Variants in TANK observed in about 807,000 individuals in gnomAD.
The protein encoded by TANK is TRAF family member-associated NF-kappa-B activator.
TANK carries 15 observed loss-of-function variants against 43.6 expected under a neutral mutation model. The observed-to-expected ratio is 0.34, with a 90% CI of 0.23 to 0.53. The LOEUF is 0.53. Among genes scored for constraint, TANK ranks in the 20% least tolerant of loss-of-function variants. TANK has a pLI of 0.94. For missense variants in TANK, 417 were observed against 498.6 expected (o/e 0.84, Z 1.56); for synonymous variants, 162 against 178.2 (o/e 0.91, Z 0.73).
intron 4 of TANK, among the ~76,000 whole-genome samples, chr2:161,220,606 A>T (rs962069150): frequency 6.6e-6 from 1 of 152,188 alleles, no homozygotes; most frequent in Non-Finnish European, 1.5e-5. Flanking sequence ...TCTGTCTCAA[A>T]AAAGGAAAAA....
intron 4 of TANK, chr2:161,223,321 G>GC (rs1189633618): frequency 2.6e-5 from 4 of 152,042 alleles, no homozygotes; most frequent in African/African-American, 7.2e-5. Flanking sequence ...TAATACCAGT[G>GC]TAAGCCACAG....
At chr2:161,180,120 GT>G in intron 2 of TANK, 2 of 996,384 alleles carry the variant, frequency 2.0e-6, no homozygotes, top group Non-Finnish European at 2.4e-6. Context: ...TGGTTTTGGT[GT>G]TTTTTATGTT....
At chr2:161,158,134 C>T (rs928124596), upstream of TANK, among the ~76,000 whole-genome samples, 2 of 152,220 alleles carry the variant, frequency 1.3e-5, no homozygotes, top group African/African-American at 4.8e-5. Context: ...CTGCCCTTGG[C>T]CTCCCAAAGT....
upstream of TANK, among the ~76,000 whole-genome samples, chr2:161,156,751 T>C (rs1031710966): frequency 2.3e-4 from 35 of 152,360 alleles, no homozygotes; most frequent in Middle Eastern, 3.4e-3. Context: ...CTGACATTTA[T>C]CAACTTTGTC....
intron 2 of TANK, among the ~76,000 whole-genome samples, chr2:161,198,460 A>G (rs1401211411): frequency 6.6e-6 from 1 of 152,184 alleles, no homozygotes; most frequent in Non-Finnish European, 1.5e-5. Context: ...TGGTGGCTCT[A>G]CTGGTCTGGG....
intron 1 of TANK, among the ~76,000 whole-genome samples, chr2:161,145,450 T>C (rs567474438): frequency 6.6e-6 from 1 of 151,832 alleles, no homozygotes; most frequent in South Asian, 2.1e-4. Context: ...GATATTTTGG[T>C]GTGTTTTTGC....
At chr2:161,144,935 T>C (rs907410096) in intron 1 of TANK, among the ~76,000 whole-genome samples, 11 of 152,130 alleles carry the variant, frequency 7.2e-5, no homozygotes, top group African/African-American at 2.7e-4. Flanking sequence ...GGAGTCTAAG[T>C]CACTTTGTAG....
At chr2:161,145,164 T>C (rs1683873061) in intron 1 of TANK, among the ~76,000 whole-genome samples, 1 of 130,328 alleles carries the variant, frequency 7.7e-6, no homozygotes, top group South Asian at 2.7e-4. Flanking sequence ...TTTTTTTGCT[T>C]TCCATTTGCT....
Position 161,231,046 on chromosome 2 carries a change from A to C in TANK, c.596A>C (p.Lys199Thr), listed in dbSNP as rs1194508715. ...GAAGCGCTGTTTAAGCCTCAGGCTA[A>C]AGATGATATAAATAGAGGTGCACCA... ...KQEALFKPQA[K>T]DDINRGAPSI... The change falls in exon 7 of 8, where the codon AAA (lysine) becomes ACA (threonine). Residue 199 changes from lysine to threonine, a missense_variant. Coordinates refer to ENST00000392749, the MANE Select transcript of TANK (RefSeq NM_001199135.3). 3 of 1,614,188 alleles carry C rather than the reference A, an allele frequency of 1.9e-6. No individual in the cohort carries two copies. Among genetic ancestry groups the C allele is most frequent in the Non-Finnish European group, 2.5e-6 (3 of 1,180,016 alleles).
In TANK at chr2:161,179,654, C is replaced by T. The variant is rs746924550; in HGVS notation, c.-9C>T. The T allele has an allele frequency of 1.8e-5, 29 of 1,612,462 alleles. No individual in the cohort carries two copies. Among genetic ancestry groups the T allele is most frequent in the East Asian group, 8.9e-5 (4 of 44,754 alleles). The stretch of plus-strand genomic sequence containing the variant: ...CATCCTTTATAGTGATGCTACAGGA[C>T]GAAGAGGAATGGATAAAAACATTGG... On this transcript the variant is annotated 5_prime_UTR_variant, in exon 2 of 8. The change creates a new upstream start codon in the 5' untranslated region. Coordinates refer to ENST00000392749, the MANE Select transcript of TANK (RefSeq NM_001199135.3).
Position 161,231,001 on chromosome 2 carries a change from C to T in TANK, c.551C>T (p.Thr184Met), listed in dbSNP as rs907560441. Residue 184 changes from threonine to methionine, a missense_variant, in exon 7 of 8, where the codon ACG becomes ATG. Coordinates refer to ENST00000392749, the MANE Select transcript of TANK (RefSeq NM_001199135.3). ...CAGTGCTCTGTGCCTATACAGTGTA[C>T]GGATAAAACAGATAAACAAGAAGCG... Reference protein sequence around the residue: ...ETQCSVPIQCTDKTDKQEALF... With the variant: ...ETQCSVPIQCMDKTDKQEALF... 5.0e-6 allele frequency: 8 copies of T among 1,613,696 alleles called. No homozygotes were observed. The East Asian group carries it at 6.7e-5, about 13-fold the overall frequency.
intron 1 of TANK, among the ~76,000 whole-genome samples, chr2:161,176,922 T>C (rs960962091): frequency 1.3e-5 from 2 of 152,178 alleles, no homozygotes; most frequent in Admixed American, 1.3e-4. Flanking sequence ...CTCTAACTTC[T>C]GTATTAGTTT....
chr2:161,213,981 A>G (rs999749732), intron 4 of TANK, among the ~76,000 whole-genome samples: 6 of 152,168 alleles, frequency 3.9e-5, no homozygotes, highest in Non-Finnish European at 2.9e-5. Context: ...TTTGGAAAAT[A>G]TTGGTTCACT....
chr2:161,145,939 CCTGT>C (rs1431470761), intron 1 of TANK, among the ~76,000 whole-genome samples: 1 of 150,408 alleles, frequency 6.6e-6, no homozygotes, highest in African/African-American at 2.5e-5. Context: ...TTCCATTCTC[CCTGT>C]CTTTTTCAGG....
chr2:161,189,039 A>G (rs1339042852), intron 2 of TANK, among the ~76,000 whole-genome samples: 1 of 152,236 alleles, frequency 6.6e-6, no homozygotes, highest in Non-Finnish European at 1.5e-5. Flanking sequence ...AGAACTGTGA[A>G]GAAATAAATT....
chr2:161,225,041 CTA>C (rs1202541967), intron 6 of TANK, among the ~76,000 whole-genome samples: 1 of 151,966 alleles, frequency 6.6e-6, no homozygotes, highest in Non-Finnish European at 1.5e-5. Flanking sequence ...TAAATACAGA[CTA>C]TATCCCTGAA....
chr2:161,212,715 A>C, intron 4 of TANK: 3 of 985,288 alleles, frequency 3.0e-6, no homozygotes, highest in Non-Finnish European at 3.6e-6. Flanking sequence ...TTGTCTTCAA[A>C]GCACACAGAA....
chr2:161,170,711 C>T (rs180943925), intron 1 of TANK, among the ~76,000 whole-genome samples: 17 of 152,188 alleles, frequency 1.1e-4, no homozygotes, highest in Middle Eastern at 3.4e-3. Flanking sequence ...TGACAGGTTG[C>T]GAACCAATGT....
chr2:161,209,115 C>T lies in TANK; in HGVS notation c.327+4322C>T, dbSNP rs1686772188. ...ATTCCTGAATTATGTGATTATTAAT[C>T]CTAAAGGGAAAAAATATCATAGCCT... On this transcript the variant is annotated intron_variant, in intron 4 of 7. Transcript: ENST00000392749. Among the ~76,000 whole-genome samples the T allele has an allele frequency of 2.0e-5, 3 of 152,000 alleles. No individual in the cohort carries two copies. In the South Asian group the frequency reaches 6.2e-4, roughly 32 times the overall value.
Sources: allele counts gnomAD v4.1 joint callset (sites outside exome capture counted in the v4.1 genomes callset), GRCh38; gene constraint gnomAD v4.1.1; transcripts MANE v1.5; gene names NCBI Gene and HGNC (gene_info 2026-07-23, HGNC 2026-07-21).